The following PELI2 variants were observed in gnomAD, a reference collection of about 807,000 sequenced individuals.
PELI2 encodes the protein E3 ubiquitin-protein ligase pellino homolog 2.
PELI2 carries 23 observed loss-of-function variants against 42.3 expected under a neutral mutation model. The ratio of observed to expected loss-of-function variants is 0.54; its 90% CI spans 0.39 to 0.77. The LOEUF (loss-of-function observed/expected upper bound fraction) is 0.77. Among genes scored for constraint, PELI2 ranks in the 30% least tolerant of loss-of-function variants. The probability of loss-of-function intolerance (pLI) is 0.00; values close to 1 mark genes in which losing one functional copy is unlikely to be tolerated. For synonymous variants in PELI2, 245 were observed against 212.2 expected, an observed-to-expected ratio of 1.15 and a Z score of -1.34; for missense variants, 463 against 553.2, an observed-to-expected ratio of 0.84 and a Z score of 1.64.
intron 2 of PELI2, among the ~76,000 whole-genome samples, chr14:56,242,856 A>G (rs1888024042): frequency 6.6e-6 from 1 of 152,160 alleles, no homozygotes; most frequent in Non-Finnish European, 1.5e-5. Context: ...TCAGGGGGGA[A>G]GAGAGAAAGG....
chr14:56,268,267 C>A (rs1888975637), intron 2 of PELI2, among the ~76,000 whole-genome samples: 1 of 152,174 alleles, frequency 6.6e-6, no homozygotes. Context: ...ACTTATGATT[C>A]ATTTTTGTTA....
chr14:56,255,957 G>A (rs1393062495), intron 2 of PELI2, among the ~76,000 whole-genome samples: 3 of 152,172 alleles, frequency 2.0e-5, no homozygotes, highest in African/African-American at 7.2e-5. Flanking sequence ...TGTCTATGCA[G>A]CTCAACTTTA....
intron 1 of PELI2, among the ~76,000 whole-genome samples, chr14:56,120,247 G>A (rs1883013178): frequency 6.6e-6 from 1 of 152,194 alleles, no homozygotes; most frequent in African/African-American, 2.4e-5. Flanking sequence ...CTAATCTTGT[G>A]GAGTTTGGTT....
chr14:56,232,165 G>A (rs36171593), intron 2 of PELI2, among the ~76,000 whole-genome samples: 61,129 of 151,744 alleles, frequency 0.4, 13,027 homozygotes, highest in South Asian at 0.53. Flanking sequence ...TTCACAGCCA[G>A]ATTCTACCAG....
chr14:56,255,686 G>A (rs766695694), intron 2 of PELI2, among the ~76,000 whole-genome samples: 4 of 152,172 alleles, frequency 2.6e-5, no homozygotes, highest in Non-Finnish European at 4.4e-5. Context: ...GATTGTATAG[G>A]CAGGATGGAG....
intron 2 of PELI2, among the ~76,000 whole-genome samples, chr14:56,232,835 G>T (rs146490780): frequency 0.012 from 1,860 of 150,082 alleles, 25 homozygotes; most frequent in Non-Finnish European, 0.021. Context: ...GTTTGCAGAT[G>T]ACATGATTGT....
intron 1 of PELI2, among the ~76,000 whole-genome samples, chr14:56,151,996 T>C (rs1884377782): frequency 6.6e-6 from 1 of 152,206 alleles, no homozygotes. Flanking sequence ...CCATTCATGC[T>C]GTTACTCCCA....
chr14:56,159,157 T>TAACA (rs934614821), intron 1 of PELI2, among the ~76,000 whole-genome samples: 1 of 152,246 alleles, frequency 6.6e-6, no homozygotes, highest in Non-Finnish European at 1.5e-5. Flanking sequence ...TGATGCTGTG[T>TAACA]AACAAATCAT....
intron 2 of PELI2, among the ~76,000 whole-genome samples, chr14:56,189,970 T>C (rs1198639029): frequency 1.3e-5 from 2 of 152,264 alleles, no homozygotes; most frequent in African/African-American, 2.4e-5. Flanking sequence ...GGCATTCTTA[T>C]GTGAAAATGC....
intron 1 of PELI2, among the ~76,000 whole-genome samples, chr14:56,168,651 T>A (rs1360689294): frequency 2.6e-5 from 4 of 151,806 alleles, no homozygotes; most frequent in African/African-American, 9.7e-5. Flanking sequence ...AAGATTCTGC[T>A]TGGTGCTCTA....
At chr14:56,296,407 A>G (rs185533108) in intron 5 of PELI2, among the ~76,000 whole-genome samples, 193 bp from the exon 6 acceptor site, 1 of 152,358 alleles carries the variant, frequency 6.6e-6, no homozygotes, top group Admixed American at 6.5e-5. Flanking sequence ...GCATATATGT[A>G]TCATATCCAG....
chr14:56,142,965 A>T (rs1240407049), intron 1 of PELI2, among the ~76,000 whole-genome samples: 1 of 152,214 alleles, frequency 6.6e-6, no homozygotes, highest in Non-Finnish European at 1.5e-5. Flanking sequence ...TGGAAAAATT[A>T]TGGAACCTGG....
chr14:56,282,885 A>G (rs1889526108), intron 3 of PELI2, among the ~76,000 whole-genome samples: 1 of 152,266 alleles, frequency 6.6e-6, no homozygotes, highest in South Asian at 2.1e-4. Flanking sequence ...TACTACTTAC[A>G]GTAGCAGTGA....
chr14:56,137,771 G>A (rs1883737845), intron 1 of PELI2, among the ~76,000 whole-genome samples: 1 of 152,210 alleles, frequency 6.6e-6, no homozygotes, highest in South Asian at 2.1e-4. Flanking sequence ...AATTGCTGAT[G>A]TGCTTTAGGG....
At chr14:56,176,176 A>G (rs1885375475) in intron 1 of PELI2, among the ~76,000 whole-genome samples, 1 of 152,258 alleles carries the variant, frequency 6.6e-6, no homozygotes, top group African/African-American at 2.4e-5. Context: ...TTTTGGAGTT[A>G]AGGAATAGAT....
At chr14:56,254,555 C>G (rs1888459148) in intron 2 of PELI2, among the ~76,000 whole-genome samples, 2 of 152,242 alleles carry the variant, frequency 1.3e-5, no homozygotes, top group Non-Finnish European at 2.9e-5. Flanking sequence ...AAAACCCAAG[C>G]AATACCATTC....
At chr14:56,123,712 G>C (rs1318618188) in intron 1 of PELI2, among the ~76,000 whole-genome samples, 1 of 152,286 alleles carries the variant, frequency 6.6e-6, no homozygotes, top group East Asian at 1.9e-4. Flanking sequence ...TGGGGATGCT[G>C]TGTATAAATG....
chr14:56,126,930 A>T (rs1230034625), intron 1 of PELI2, among the ~76,000 whole-genome samples: 2 of 152,190 alleles, frequency 1.3e-5, no homozygotes, highest in Non-Finnish European at 2.9e-5. Flanking sequence ...ACCTGACAAG[A>T]CTGATAGGAA....
At chr14:56,182,727 A>G (rs533985782) in intron 2 of PELI2, among the ~76,000 whole-genome samples, 3 of 152,314 alleles carry the variant, frequency 2.0e-5, no homozygotes, top group East Asian at 1.9e-4. Context: ...CTGTGGCTCT[A>G]CTGGTTGATA....
Sources: gnomAD v4.1 joint callset for allele counts (sites outside exome capture counted in the v4.1 genomes callset) on GRCh38, gnomAD v4.1.1 for gene constraint, MANE v1.5 for transcripts, NCBI Gene and HGNC (gene_info 2026-07-23, HGNC 2026-07-21) for gene names.